SEPTIN8: variants seen among roughly 807,000 people sequenced by gnomAD.
SEPTIN8 encodes the protein septin 8.
A neutral mutation model predicts 53.1 loss-of-function variants in SEPTIN8; 22 were observed. The ratio of observed to expected loss-of-function variants is 0.41; its 90% CI spans 0.30 to 0.59. The LOEUF (loss-of-function observed/expected upper bound fraction) is 0.59. SEPTIN8 is among the 20% of genes least tolerant of loss of function. SEPTIN8 has a pLI of 0.24. For missense variants in SEPTIN8, 536 were observed against 638.7 expected (o/e 0.84, Z 1.73); for synonymous variants, 228 against 248.4 (o/e 0.92, Z 0.77).
chr5:132,758,383 G>A, intron 9 of SEPTIN8: 2 of 1,443,912 alleles, frequency 1.4e-6, no homozygotes, highest in Non-Finnish European at 1.8e-6. Context: ...GGAACTGGGT[G>A]AATTTTGCAG....
intron 3 of SEPTIN8, 128 bp from the exon 4 acceptor site, chr5:132,764,020 GA>G: frequency 9.4e-7 from 1 of 1,066,972 alleles, no homozygotes; most frequent in Non-Finnish European, 1.3e-6. Flanking sequence ...GCTTCTGCCT[GA>G]GATCCCTGAC....
chr5:132,753,129 A>AG (rs1202366425), intron 9 of SEPTIN8: 2 of 633,188 alleles, frequency 3.2e-6, no homozygotes, highest in Admixed American at 2.8e-5. Context: ...TGGAAAAAAA[A>AG]TAAAGGGGAG....
chr5:132,754,863 G>T (rs538173313), intron 9 of SEPTIN8, among the ~76,000 whole-genome samples: 1 of 152,312 alleles, frequency 6.6e-6, no homozygotes, highest in Admixed American at 6.5e-5. Flanking sequence ...AAGGAATGAG[G>T]CTGAAGAAAA....
upstream of SEPTIN8, among the ~76,000 whole-genome samples, chr5:132,778,470 G>C (rs1258276286): frequency 6.6e-6 from 1 of 152,198 alleles, no homozygotes; most frequent in Non-Finnish European, 1.5e-5. Context: ...ACTGTAGCTT[G>C]TCCCCAAGGT....
intron 9 of SEPTIN8, chr5:132,757,526 G>A (rs1166570104): frequency 2.0e-6 from 2 of 985,416 alleles, no homozygotes; most frequent in East Asian, 1.1e-4. Flanking sequence ...CAATAAATTA[G>A]CACGTCTTCC....
chr5:132,762,710 T>C, intron 4 of SEPTIN8, 65 bp from the exon 5 acceptor site: 1 of 1,552,470 alleles, frequency 6.4e-7, no homozygotes, highest in Non-Finnish European at 8.9e-7. Context: ...TCCCATGCCA[T>C]GCCCAGGATA....
chr5:132,762,079 T>C (rs1245756785), intron 5 of SEPTIN8, among the ~76,000 whole-genome samples, 183 bp from the exon 6 acceptor site: 1 of 152,176 alleles, frequency 6.6e-6, no homozygotes, highest in African/African-American at 2.4e-5. Context: ...GGGAGTGGGC[T>C]GAACCCTCAA....
rs772681587 is a variant in SEPTIN8 at position 132,762,524 on chromosome 5, G to C, written c.656C>G (p.Thr219Arg). The stretch of plus-strand genomic sequence containing the variant: ...AATCTCTGCAACAGCCTCATCATCC[G>C]TGGGGAACTGGTAGATCTGGACCCC... ...SNGVQIYQFP[T>R]DDEAVAEINA... The change falls in exon 5 of 10, where the codon ACG (threonine) becomes AGG (arginine). Residue 219 changes from threonine (T) to arginine (R), a missense_variant. Thr to Arg is a moderately conservative substitution (Grantham distance 71). Coordinates refer to ENST00000378719, the MANE Select transcript of SEPTIN8 (RefSeq NM_001098811.2). The C allele has an allele frequency of 5.6e-6, 9 of 1,614,090 alleles. No individual in the cohort carries two copies. Among genetic ancestry groups the C allele is most frequent in the Non-Finnish European group, 6.8e-6 (8 of 1,180,030 alleles).
At chr5:132,775,046 G>T (rs30525) in intron 1 of SEPTIN8, among the ~76,000 whole-genome samples, 2,134 of 152,268 alleles carry the variant, frequency 0.014, 79 homozygotes, top group East Asian at 0.12. Flanking sequence ...AGTGCAGAGG[G>T]TGTGGAAGGT....
rs1341606117 is a variant in SEPTIN8 at position 132,776,849 on chromosome 5, C to A, written c.30+259G>T. ...GCCCGGAGCCAGGCGGGTCTTTGCTCCTTCCCGCGAAAGGGGTTAGCCTTG... is the reference window on the plus strand; with the variant it reads ...GCCCGGAGCCAGGCGGGTCTTTGCTACTTCCCGCGAAAGGGGTTAGCCTTG... On this transcript the variant is annotated intron_variant, in intron 1 of 9. Coordinates refer to ENST00000378719, the MANE Select transcript of SEPTIN8 (RefSeq NM_001098811.2). This position sits in a 1 kb window ranked among gnomAD's most constrained non-coding sequence, Gnocchi z 4.4. Among the ~76,000 whole-genome samples, 1 of 152,182 alleles carries A rather than the reference C, an allele frequency of 6.6e-6. No homozygotes were observed. The highest frequency in any genetic ancestry group is 1.5e-5 in the Non-Finnish European group (1 of 68,010).
At chr5:132,752,955 G>A in intron 9 of SEPTIN8, 1 of 1,614,016 alleles carries the variant, frequency 6.2e-7, no homozygotes, top group Non-Finnish European at 8.5e-7. Flanking sequence ...ACAACTTTGT[G>A]TCACCTGCCA....
intron 1 of SEPTIN8, among the ~76,000 whole-genome samples, chr5:132,770,471 T>G (rs1230143395): frequency 6.6e-6 from 1 of 152,088 alleles, no homozygotes; most frequent in Non-Finnish European, 1.5e-5. Context: ...TGAGCCACCA[T>G]GCCTGGCCCA....
intron 9 of SEPTIN8, chr5:132,758,531 T>A (rs746692668): frequency 1.2e-6 from 2 of 1,613,438 alleles, no homozygotes; most frequent in Non-Finnish European, 1.7e-6. Flanking sequence ...ATAGTGACAC[T>A]GTAAATGGAA....
At position 132,760,259 on chromosome 5, in the gene SEPTIN8, G is replaced by A. The variant is rs530933501; in HGVS notation, c.1286+543C>T. 7.2e-5 allele frequency among the ~76,000 whole-genome samples: 11 copies of A among 152,164 alleles called. No individual in the cohort carries two copies. Among genetic ancestry groups the A allele is most frequent in the African/African-American group, 1.9e-4 (8 of 41,508 alleles). Reference sequence around the variant, plus strand: ...CAGACTGAGGAGGGATGCGCCACAGGTGTCCAAGCAGAAACCACCACGGCT... The same window carrying A: ...CAGACTGAGGAGGGATGCGCCACAGATGTCCAAGCAGAAACCACCACGGCT... On this transcript the variant is annotated intron_variant, in intron 9 of 9. Transcript: ENST00000378719. The surrounding 1 kb of genome is among the most constrained non-coding windows in gnomAD (Gnocchi z 5.2).
intron 3 of SEPTIN8, 57 bp from the exon 4 acceptor site, chr5:132,763,949 TG>T: frequency 6.8e-7 from 1 of 1,476,290 alleles, no homozygotes; most frequent in Non-Finnish European, 9.1e-7. Flanking sequence ...GCTTGGGGCT[TG>T]GGGGGCTCAG....
Position 132,777,055 on chromosome 5 carries a change from CCCTCCTGCGCCCCGCG to C in SEPTIN8, c.30+37_30+52del, listed in dbSNP as rs1302228861. On this transcript the variant is annotated intron_variant, in intron 1 of 9. Coordinates refer to ENST00000378719, the MANE Select transcript of SEPTIN8 (RefSeq NM_001098811.2). The surrounding 1 kb of genome is among the most constrained non-coding windows in gnomAD (Gnocchi z 4.1). ...CGCCCCCCGCCAGCTGCAGGGCGGC[CCCTCCTGCGCCCCGCG>C]CCTCCCGCGCGCGCCGTGGCCCAGC... 41 of 1,089,400 alleles carry C rather than the reference CCCTCCTGCGCCCCGCG, an allele frequency of 3.8e-5. No individual in the cohort carries two copies. The highest frequency in any genetic ancestry group is 4.4e-5 in the Non-Finnish European group (39 of 880,332). The allele number at this position is 1,089,400 out of a possible 1,614,324, so 67.5% of individuals were successfully genotyped here. A position where few individuals can be genotyped will look rare whatever the true frequency, so the allele number is the denominator to read the frequency against.
Position 132,761,547 on chromosome 5 carries a change from C to T in SEPTIN8, c.873G>A (p.Gln291=), listed in dbSNP as rs1228342509. ...IRVNMEDLRE[Q]THSRHYELYR... ...AGAGCTCGTAGTGCCGGCTGTGGGT[C>T]TGCTCGCGGAGGTCTTCCATGTTCA... Residue 291 remains glutamine (Q), a synonymous_variant, in exon 7 of 10, where the codon CAG becomes CAA. Transcript: ENST00000378719. This position sits in a 1 kb window ranked among gnomAD's most constrained non-coding sequence, Gnocchi z 5.8. The T allele has an allele frequency of 1.9e-6, 3 of 1,613,858 alleles. No homozygotes were observed. Among genetic ancestry groups the T allele is most frequent in the Non-Finnish European group, 2.5e-6 (3 of 1,180,022 alleles).
intron 5 of SEPTIN8, 144 bp downstream of exon 5, chr5:132,762,340 G>T: frequency 1.3e-6 from 1 of 778,414 alleles, no homozygotes. Flanking sequence ...TGTAGGACTG[G>T]CCAGCTCCAG....
At position 132,761,870 on chromosome 5, in the gene SEPTIN8, G is replaced by A. The variant is rs1202921619; in HGVS notation, c.723C>T (p.Gly241=). Residue 241 remains glycine, a synonymous_variant, in exon 6 of 10, where the codon GGC becomes GGT. Transcript: ENST00000378719. This position sits in a 1 kb window ranked among gnomAD's most constrained non-coding sequence, Gnocchi z 5.8. ...TCCCCACCTTCACCTCCTCGGTGCT[G>A]CCCACCACGGCAAAGGGCAGATGTG... is the stretch of plus-strand genomic sequence containing the variant. ...MNAHLPFAVV[G]STEEVKVGNK... The A allele has an allele frequency of 6.3e-7, 1 of 1,599,732 alleles. No homozygotes were observed. Among genetic ancestry groups the A allele is most frequent in the South Asian group, 1.1e-5 (1 of 88,524 alleles).
Sources: gnomAD v4.1 joint callset for allele counts (sites outside exome capture counted in the v4.1 genomes callset) on GRCh38, gnomAD v4.1.1 for gene constraint, Gnocchi (gnomAD v3.1) non-coding constraint, MANE v1.5 for transcripts, NCBI Gene and HGNC (gene_info 2026-07-23, HGNC 2026-07-21) for gene names.